Variants in INPP4B observed in about 807,000 individuals in gnomAD.
The protein encoded by INPP4B is inositol polyphosphate 4-phosphatase type II.
Under a neutral mutation model 122.5 loss-of-function variants are expected in INPP4B, and 55 were observed. The observed-to-expected ratio is 0.45, with a 90% CI of 0.36 to 0.56. The LOEUF (loss-of-function observed/expected upper bound fraction) is 0.56, where lower values mean the gene tolerates loss of function less well. INPP4B is among the 20% of genes least tolerant of loss of function. The pLI, the probability that INPP4B is intolerant of heterozygous loss-of-function variation, is 0.00. For missense variants in INPP4B, 1,000 were observed against 1,097.7 expected (o/e 0.91, Z 1.26); for synonymous variants, 403 against 388.7 (o/e 1.04, Z -0.43).
At chr4:142,124,872 T>A in intron 18 of INPP4B, 112 bp from the exon 19 acceptor site, 1 of 784,674 alleles carries the variant, frequency 1.3e-6, no homozygotes. Flanking sequence ...GACATATTCT[T>A]AAGGATTCAC....
intron 25 of INPP4B, among the ~76,000 whole-genome samples, chr4:142,076,499 T>C (rs1339149105): frequency 6.6e-6 from 1 of 152,074 alleles, no homozygotes; most frequent in Non-Finnish European, 1.5e-5. Flanking sequence ...TGACTCTCTC[T>C]CTCAGCTTAT....
intron 2 of INPP4B, among the ~76,000 whole-genome samples, chr4:142,694,099 A>G (rs975820170): frequency 3.3e-5 from 5 of 152,272 alleles, no homozygotes; most frequent in Admixed American, 3.3e-4. Flanking sequence ...CTGACTGGGC[A>G]TGGTGGCTCA....
At chr4:142,692,914 TATAGATAG>T (rs3080817) in intron 2 of INPP4B, among the ~76,000 whole-genome samples, 1 of 148,238 alleles carries the variant, frequency 6.7e-6, no homozygotes, top group African/African-American at 2.5e-5. Context: ...GGCTAGTCTC[TATAGATAG>T]ATAGATAGAT....
intron 3 of INPP4B, among the ~76,000 whole-genome samples, chr4:142,439,501 T>A (rs546191722): frequency 6.5e-4 from 99 of 152,336 alleles, no homozygotes; most frequent in African/African-American, 2.3e-3. Context: ...ATTCCCTCCT[T>A]CATGGATTCT....
intron 2 of INPP4B, among the ~76,000 whole-genome samples, chr4:142,551,421 G>A (rs1727949619): frequency 6.6e-6 from 1 of 152,186 alleles, no homozygotes; most frequent in Admixed American, 6.5e-5. Flanking sequence ...AAAGGGAGGA[G>A]AGAGGGAGGG....
chr4:142,230,232 T>G (rs1244860754), intron 12 of INPP4B, among the ~76,000 whole-genome samples: 2 of 152,168 alleles, frequency 1.3e-5, no homozygotes, highest in Non-Finnish European at 2.9e-5. Flanking sequence ...ATCACAGATG[T>G]ATACCTAATA....
intron 11 of INPP4B, among the ~76,000 whole-genome samples, chr4:142,245,797 CATAT>C (rs199799546): frequency 1.5e-5 from 2 of 130,544 alleles, no homozygotes; most frequent in Non-Finnish European, 3.2e-5. Flanking sequence ...TGTATGTATA[CATAT>C]ATATGTGTAT....
At chr4:142,671,317 C>A (rs530694261) in intron 2 of INPP4B, among the ~76,000 whole-genome samples, 5 of 152,270 alleles carry the variant, frequency 3.3e-5, no homozygotes, top group South Asian at 2.1e-4. Flanking sequence ...TACATACAAC[C>A]TTTTCAGCAC....
intron 25 of INPP4B, among the ~76,000 whole-genome samples, chr4:142,068,831 G>C (rs1765232794): frequency 6.6e-6 from 1 of 152,154 alleles, no homozygotes; most frequent in Admixed American, 6.5e-5. Context: ...GATTCATAAA[G>C]CAAGTCCTTT....
chr4:142,617,313 A>G (rs1263934959), intron 2 of INPP4B, among the ~76,000 whole-genome samples: 1 of 152,094 alleles, frequency 6.6e-6, no homozygotes, highest in Non-Finnish European at 1.5e-5. Context: ...CTGGCTGTGG[A>G]AAGATGAACA....
At chr4:142,572,505 A>C (rs1377196313) in intron 2 of INPP4B, among the ~76,000 whole-genome samples, 1 of 152,156 alleles carries the variant, frequency 6.6e-6, no homozygotes, top group Non-Finnish European at 1.5e-5. Context: ...TTTTGAAAAA[A>C]GCACAAATCA....
At chr4:142,404,472 G>T (rs1802672290) in intron 6 of INPP4B, among the ~76,000 whole-genome samples, 2 of 152,168 alleles carry the variant, frequency 1.3e-5, no homozygotes, top group Admixed American at 1.3e-4. Context: ...GTTGTGAAAT[G>T]TGTGATCAGA....
intron 2 of INPP4B, among the ~76,000 whole-genome samples, chr4:142,680,570 T>G (rs1337421856): frequency 6.6e-6 from 1 of 151,932 alleles, no homozygotes; most frequent in East Asian, 1.9e-4. Context: ...GAAACAGTTT[T>G]CAGCAAGTAC....
intron 11 of INPP4B, among the ~76,000 whole-genome samples, chr4:142,239,132 T>C (rs1028551431): frequency 6.6e-6 from 1 of 152,156 alleles, no homozygotes; most frequent in African/African-American, 2.4e-5. Flanking sequence ...GGTAAAAATA[T>C]ATCTTCTTGA....
intron 1 of INPP4B, among the ~76,000 whole-genome samples, chr4:142,746,801 A>G (rs331955): frequency 0.36 from 55,155 of 152,008 alleles, 10,210 homozygotes; most frequent in South Asian, 0.48. Flanking sequence ...AAAGGTGTTG[A>G]GAAAACTGGC....
chr4:142,503,543 T>C (rs1008810426), intron 2 of INPP4B, among the ~76,000 whole-genome samples: 1 of 152,130 alleles, frequency 6.6e-6, no homozygotes, highest in African/African-American at 2.4e-5. Flanking sequence ...AAGAAGGTCT[T>C]TAGTTGGGAA....
chr4:142,840,820 G>A (rs1457836110), intron 1 of INPP4B, among the ~76,000 whole-genome samples: 3 of 151,924 alleles, frequency 2.0e-5, no homozygotes, highest in Non-Finnish European at 4.4e-5. Flanking sequence ...AGAACAACAG[G>A]TCTAAAATAC....
At chr4:142,760,881 A>G (rs1191829187) in intron 1 of INPP4B, among the ~76,000 whole-genome samples, 1 of 152,120 alleles carries the variant, frequency 6.6e-6, no homozygotes, top group Non-Finnish European at 1.5e-5. Flanking sequence ...ATTTTAGATG[A>G]CAAGTTATTA....
chr4:142,720,264 T>C (rs1262134009), intron 2 of INPP4B, among the ~76,000 whole-genome samples: 1 of 152,212 alleles, frequency 6.6e-6, no homozygotes, highest in Admixed American at 6.5e-5. Flanking sequence ...GTACCTACTA[T>C]TCTCAGGTAA....
Sources: allele counts gnomAD v4.1 joint callset (sites outside exome capture counted in the v4.1 genomes callset), GRCh38; gene constraint gnomAD v4.1.1; transcripts MANE v1.5; gene names NCBI Gene and HGNC (gene_info 2026-07-23, HGNC 2026-07-21).